Variants in NXPH1 observed in about 807,000 individuals in gnomAD.
The protein encoded by NXPH1 is neurexophilin-1.
In NXPH1, 5 loss-of-function variants were observed where a neutral mutation model predicts 23.7. The observed-to-expected ratio is 0.21, with a 90% confidence interval of 0.11 to 0.44. NXPH1 has a LOEUF of 0.44. NXPH1 is among the 20% of genes least tolerant of loss of function. The pLI, the probability that NXPH1 is intolerant of heterozygous loss-of-function variation, is 0.99. For missense variants in NXPH1, 324 were observed against 321.6 expected, an observed-to-expected ratio of 1.01 and a Z score of -0.06; for synonymous variants, 144 against 122.2, an observed-to-expected ratio of 1.18 and a Z score of -1.18.
At chr7:8,746,969 A>G (rs1780480557) in intron 2 of NXPH1, among the ~76,000 whole-genome samples, 1 of 152,106 alleles carries the variant, frequency 6.6e-6, no homozygotes, top group Non-Finnish European at 1.5e-5. Context: ...AATAATTTAC[A>G]TAAAATATTA....
chr7:8,478,065 A>C (rs1817007719), intron 2 of NXPH1, among the ~76,000 whole-genome samples: 2 of 152,130 alleles, frequency 1.3e-5, no homozygotes, highest in Non-Finnish European at 2.9e-5. Flanking sequence ...AAAAAGATGA[A>C]TGCATGATGA....
chr7:8,681,081 C>T (rs1283897966), intron 2 of NXPH1, among the ~76,000 whole-genome samples: 2 of 152,244 alleles, frequency 1.3e-5, no homozygotes, highest in East Asian at 1.9e-4. Flanking sequence ...CAGTGCTCCT[C>T]TCCTAGACTT....
chr7:8,674,898 A>G (rs924720983), intron 2 of NXPH1, among the ~76,000 whole-genome samples: 1 of 152,144 alleles, frequency 6.6e-6, no homozygotes, highest in African/African-American at 2.4e-5. Flanking sequence ...CGAGGCCAGT[A>G]TTTCAAGGGG....
chr7:8,720,348 A>G (rs1779951316), intron 2 of NXPH1, among the ~76,000 whole-genome samples: 2 of 152,074 alleles, frequency 1.3e-5, no homozygotes, highest in Non-Finnish European at 2.9e-5. Context: ...CTCTTGGGGC[A>G]GTGGGTCTTG....
chr7:8,455,935 T>C (rs770964972), intron 2 of NXPH1, among the ~76,000 whole-genome samples: 2 of 152,190 alleles, frequency 1.3e-5, no homozygotes, highest in East Asian at 1.9e-4. Flanking sequence ...CTGACCCTTA[T>C]AGAGAAGGAC....
In NXPH1 at chr7:8,663,918, A is replaced by G. The variant is rs572846796; in HGVS notation, c.55-87090A>G. The stretch of plus-strand genomic sequence containing the variant: ...AAGGTCTTGCTACCCTTTTTACTGG[A>G]TTTAGAACGCCATGTATGATGCTTT... On this transcript the variant is annotated intron_variant, in intron 2 of 2. Coordinates refer to ENST00000405863, the MANE Select transcript of NXPH1 (RefSeq NM_152745.3). Among the ~76,000 whole-genome samples, 169 of 152,144 alleles carry G rather than the reference A, an allele frequency of 1.1e-3. 1 individual carries two copies. Among genetic ancestry groups the G allele is most frequent in the Admixed American group, 5.9e-3 (90 of 15,268 alleles).
At chr7:8,557,988 G>A (rs370053686) in intron 2 of NXPH1, among the ~76,000 whole-genome samples, 9 of 151,524 alleles carry the variant, frequency 5.9e-5, no homozygotes, top group East Asian at 3.9e-4. Flanking sequence ...CTCTCTGCCC[G>A]CACAGTCCTA....
At chr7:8,598,409 A>C (rs988494302) in intron 2 of NXPH1, among the ~76,000 whole-genome samples, 2 of 152,138 alleles carry the variant, frequency 1.3e-5, no homozygotes, top group African/African-American at 4.8e-5. Flanking sequence ...ATTGGGGCAC[A>C]TAGACCTGGT....
At chr7:8,679,191 C>T (rs1350705028) in intron 2 of NXPH1, among the ~76,000 whole-genome samples, 2 of 151,990 alleles carry the variant, frequency 1.3e-5, no homozygotes, top group Non-Finnish European at 2.9e-5. Context: ...TCGTGATCCG[C>T]CCACCTCGGC....
chr7:8,680,097 T>C (rs1322853627), intron 2 of NXPH1, among the ~76,000 whole-genome samples: 1 of 152,262 alleles, frequency 6.6e-6, no homozygotes, highest in Non-Finnish European at 1.5e-5. Flanking sequence ...CTGATTACTC[T>C]CATCAACAGC....
intron 2 of NXPH1, among the ~76,000 whole-genome samples, chr7:8,513,841 C>G (rs1274036396): frequency 1.3e-5 from 2 of 152,036 alleles, no homozygotes; most frequent in African/African-American, 2.4e-5. Context: ...GTAGCACAAA[C>G]TTGGAGGCCT....
At chr7:8,579,116 G>A (rs182806528) in intron 2 of NXPH1, among the ~76,000 whole-genome samples, 10 of 152,154 alleles carry the variant, frequency 6.6e-5, no homozygotes, top group African/African-American at 2.4e-4. Context: ...GCAAGGCTGC[G>A]TGTGGCTGAT....
chr7:8,529,051 G>A (rs551056889), intron 2 of NXPH1, among the ~76,000 whole-genome samples: 1 of 152,302 alleles, frequency 6.6e-6, no homozygotes, highest in African/African-American at 2.4e-5. Context: ...CCTGTTTCTT[G>A]TAGGACTCTA....
chr7:8,564,419 T>A (rs1401224634), intron 2 of NXPH1, among the ~76,000 whole-genome samples: 1 of 151,746 alleles, frequency 6.6e-6, no homozygotes, highest in Non-Finnish European at 1.5e-5. Flanking sequence ...GATGTGACAT[T>A]GCTCATGGCT....
chr7:8,720,099 G>A (rs567761473), intron 2 of NXPH1, among the ~76,000 whole-genome samples: 1 of 118,878 alleles, frequency 8.4e-6, no homozygotes, highest in African/African-American at 3.6e-5. Context: ...TGATGATTGA[G>A]GTTACACTTT....
intron 2 of NXPH1, among the ~76,000 whole-genome samples, chr7:8,694,397 TG>T (rs1004837245): frequency 6.6e-6 from 1 of 152,206 alleles, no homozygotes; most frequent in African/African-American, 2.4e-5. Context: ...TCAGTGCTTT[TG>T]GGGGAACCAC....
intron 2 of NXPH1, among the ~76,000 whole-genome samples, chr7:8,660,060 C>T (rs994485217): frequency 2.6e-5 from 4 of 152,166 alleles, no homozygotes; most frequent in Non-Finnish European, 5.9e-5. Context: ...CTTCATCTTG[C>T]AATATTACTT....
chr7:8,731,412 G>A (rs1780151154), intron 2 of NXPH1, among the ~76,000 whole-genome samples: 1 of 152,192 alleles, frequency 6.6e-6, no homozygotes, highest in South Asian at 2.1e-4. Flanking sequence ...AGGAGGAGAG[G>A]CGCTCTGCTT....
chr7:8,583,064 C>T (rs140721554), intron 2 of NXPH1, among the ~76,000 whole-genome samples: 1 of 152,116 alleles, frequency 6.6e-6, no homozygotes, highest in African/African-American at 2.4e-5. Flanking sequence ...ATACACTTGG[C>T]CGGGTTGTGA....
Sources: allele counts gnomAD v4.1 joint callset (sites outside exome capture counted in the v4.1 genomes callset), GRCh38; gene constraint gnomAD v4.1.1; transcripts MANE v1.5; gene names NCBI Gene and HGNC (gene_info 2026-07-23, HGNC 2026-07-21).